ACSL3: variants seen among roughly 807,000 people sequenced by gnomAD.
ACSL3 encodes the protein fatty acid CoA ligase Acsl3.
ACSL3 carries 34 observed loss-of-function variants against 84.7 expected under a neutral mutation model. The ratio of observed to expected loss-of-function variants is 0.40; its 90% CI spans 0.31 to 0.53. ACSL3 has a LOEUF of 0.53. Ranked by LOEUF, ACSL3 falls within the 20% of genes least tolerant of loss-of-function variation. The pLI is 0.48. For synonymous variants in ACSL3, 315 were observed against 299.4 expected (o/e 1.05, Z -0.54); for missense variants, 680 against 873.1 (o/e 0.78, Z 2.79).
intron 2 of ACSL3, among the ~76,000 whole-genome samples, chr2:222,890,105 A>G (rs560177744): frequency 2.0e-5 from 3 of 152,358 alleles, no homozygotes; most frequent in South Asian, 4.1e-4. Flanking sequence ...ACAAATGAAG[A>G]CAATATGTTA....
intron 1 of ACSL3, among the ~76,000 whole-genome samples, chr2:222,874,180 AC>A (rs1695383286): frequency 6.6e-6 from 1 of 151,754 alleles, no homozygotes. Flanking sequence ...GCACCACCAC[AC>A]CCGGCTCATT....
intron 16 of ACSL3, among the ~76,000 whole-genome samples, chr2:222,938,143 CTTT>C (rs1331618050): frequency 6.6e-6 from 1 of 152,080 alleles, no homozygotes; most frequent in African/African-American, 2.4e-5. Context: ...TTCATAATTA[CTTT>C]TTATGTCTTT....
rs758298551 is a variant in ACSL3 at position 222,908,780 on chromosome 2, A to G, written c.8A>G (p.Asn3Ser). 8 of 1,590,190 alleles carry G rather than the reference A, an allele frequency of 5.0e-6. No homozygotes were observed. The East Asian group carries it at 1.1e-4, about 22-fold the overall frequency. The part of the protein sequence containing the change: MN[N>S]HVSSKPSTMK... ...TCTACTTTTTGAGTACTTATGAATA[A>G]CCACGTGTCTTCAAAACCATCTACC... The change falls in exon 4 of 17, where the codon AAC becomes AGC. Residue 3 changes from asparagine (N) to serine (S), a missense_variant. Physicochemically the swap from Asn to Ser is conservative, Grantham distance 46. Transcript: ENST00000357430.
intron 1 of ACSL3, among the ~76,000 whole-genome samples, chr2:222,870,828 G>A (rs774416130): frequency 3.9e-5 from 6 of 152,166 alleles, no homozygotes; most frequent in African/African-American, 9.7e-5. Context: ...CTTGGCAGAC[G>A]AGTTTGGAAT....
chr2:222,940,514 T>C (rs999804200), intron 16 of ACSL3, among the ~76,000 whole-genome samples: 5 of 151,784 alleles, frequency 3.3e-5, no homozygotes, highest in Admixed American at 3.3e-4. Context: ...TAGGCATTTA[T>C]GCAGCATATA....
Position 222,943,135 on chromosome 2 carries a change from A to G in ACSL3, c.*1481A>G, listed in dbSNP as rs1252470309. On this transcript the variant is annotated 3_prime_UTR_variant, in exon 17 of 17. Transcript: ENST00000357430. ...AAAAAAGATGAACCTAGGTCTGTGT[A>G]AAGTAAGGGGAGTGTTAGGAGCAGC... 9.0e-6 allele frequency: 2 copies of G among 223,240 alleles called. No homozygotes were observed. The highest frequency in any genetic ancestry group is 1.8e-5 in the Non-Finnish European group (2 of 112,150). 13.8% of individuals were successfully genotyped at this position (223,240 alleles called of 1,614,324 possible). A position where few individuals can be genotyped will look rare whatever the true frequency, so the allele number is the denominator to read the frequency against.
At chr2:222,881,107 C>T in intron 1 of ACSL3, among the ~76,000 whole-genome samples, 1 of 151,962 alleles carries the variant, frequency 6.6e-6, no homozygotes, top group East Asian at 1.9e-4. Context: ...TTTTACATTT[C>T]TAGTAGGCAA....
rs183578192 is a variant in ACSL3, at chr2:222,914,997, A to G, written c.379-1322A>G. On this transcript the variant is annotated intron_variant, in intron 4 of 16. Transcript: ENST00000357430. ...TCATTGCATGAGTTTACATATTTAGATTATATATCAAACACCTTTTCAGAA... is the reference window on the plus strand; with the variant it reads ...TCATTGCATGAGTTTACATATTTAGGTTATATATCAAACACCTTTTCAGAA... 2.7e-3 allele frequency among the ~76,000 whole-genome samples: 404 copies of G among 152,322 alleles called. 1 individual carries two copies. Among genetic ancestry groups the G allele is most frequent in the African/African-American group, 9.3e-3 (386 of 41,550 alleles).
intron 4 of ACSL3, among the ~76,000 whole-genome samples, chr2:222,915,101 A>G (rs1196331717): frequency 1.3e-5 from 2 of 152,198 alleles, no homozygotes; most frequent in African/African-American, 4.8e-5. Context: ...TAACCTTTAG[A>G]GTGTAAAATT....
rs200158558 is a variant in ACSL3, at chr2:222,922,796, A to G, written c.1045A>G (p.Ile349Val). ...ELVCLSHGCRIGYSSPQTLAD... is the reference protein window; with the variant it reads ...ELVCLSHGCRVGYSSPQTLAD... ...TGTCTGTCTTTCTCACGGATGCCGCATTGGTTACTCTTCACCACAGACTTT... is the reference window on the plus strand; with the variant it reads ...TGTCTGTCTTTCTCACGGATGCCGCGTTGGTTACTCTTCACCACAGACTTT... Residue 349 changes from isoleucine (I) to valine (V), a missense_variant, in exon 9 of 17, where the codon ATT (isoleucine) becomes GTT (valine). Transcript: ENST00000357430. 1.5e-5 allele frequency: 25 copies of G among 1,614,196 alleles called. No individual in the cohort carries two copies. The East Asian group carries it at 4.5e-4, about 29-fold the overall frequency.
chr2:222,902,320 CA>C (rs1294640240), intron 3 of ACSL3, among the ~76,000 whole-genome samples: 6 of 152,146 alleles, frequency 3.9e-5, no homozygotes, highest in African/African-American at 1.4e-4. Context: ...GAGAACTAGA[CA>C]GTGATTTCAT....
chr2:222,908,979 A>G lies in ACSL3; in HGVS notation c.207A>G (p.Arg69=). 29 of 1,613,776 alleles carry G rather than the reference A, an allele frequency of 1.8e-5. No individual in the cohort carries two copies. Among genetic ancestry groups the G allele is most frequent in the Non-Finnish European group, 2.5e-5 (29 of 1,179,862 alleles). ...ATTCAAAACCTGATTCTGCATACAGATCTGTTAATAGTTTGGATGGTTTGG... is the reference window on the plus strand; with the variant it reads ...ATTCAAAACCTGATTCTGCATACAGGTCTGTTAATAGTTTGGATGGTTTGG... The part of the protein sequence containing the change: ...PVNSKPDSAY[R]SVNSLDGLAS... Residue 69 remains arginine (R), a synonymous_variant, in exon 4 of 17, where the codon AGA becomes AGG. Transcript: ENST00000357430.
intron 15 of ACSL3, among the ~76,000 whole-genome samples, chr2:222,934,127 G>A (rs550810211): frequency 1.8e-4 from 27 of 152,238 alleles, no homozygotes; most frequent in East Asian, 5.8e-4. Flanking sequence ...ATTTTGATTC[G>A]TTGCTGAATT....
At chr2:222,891,024 C>G (rs1184591534) in intron 2 of ACSL3, among the ~76,000 whole-genome samples, 1 of 152,188 alleles carries the variant, frequency 6.6e-6, no homozygotes, top group East Asian at 1.9e-4. Flanking sequence ...TGTTCACTCT[C>G]CTTAGTACAG....
chr2:222,924,744 C>T lies in ACSL3; in HGVS notation c.1292+149C>T, dbSNP rs559374673. 327 of 925,030 alleles carry T rather than the reference C, an allele frequency of 3.5e-4. No homozygotes were observed. The highest frequency in any genetic ancestry group is 4.6e-4 in the Non-Finnish European group (307 of 664,430). 57.3% of individuals were successfully genotyped at this position (925,030 alleles called of 1,614,324 possible). ...CTCTTTAAAAAAAATCCATCCCAGG[C>T]CAGGCGCGGTGGCTCATGCCTGTAA... On this transcript the variant is annotated intron_variant, in intron 11 of 16. Transcript: ENST00000357430.
rs541191103 is a variant in ACSL3, at chr2:222,908,990, G to A, written c.218G>A (p.Ser73Asn). Residue 73 changes from serine to asparagine, a missense_variant, in exon 4 of 17, where the codon AGT becomes AAT. Around this residue, in one of 2 missense-constraint regions of ACSL3, gnomAD observed 333 missense variants for 347.5 expected, o/e 0.96. Transcript: ENST00000357430. ...GATTCTGCATACAGATCTGTTAATA[G>A]TTTGGATGGTTTGGCTTCAGTATTA... ...KPDSAYRSVN[S>N]LDGLASVLYP... The A allele has an allele frequency of 7.8e-5, 126 of 1,613,782 alleles. No individual in the cohort carries two copies. The South Asian group carries it at 1.3e-3, about 16-fold the overall frequency.
At chr2:222,900,994 A>G (rs1375893500) in intron 3 of ACSL3, among the ~76,000 whole-genome samples, 1 of 152,038 alleles carries the variant, frequency 6.6e-6, no homozygotes, top group African/African-American at 2.4e-5. Flanking sequence ...CAAAAGACAA[A>G]CTTTTTGGTG....
chr2:222,901,118 T>A (rs1418869549), intron 3 of ACSL3, among the ~76,000 whole-genome samples: 5 of 152,198 alleles, frequency 3.3e-5, no homozygotes, highest in Non-Finnish European at 7.3e-5. Flanking sequence ...TGCCATTTGA[T>A]CCAAGAAGAT....
At chr2:222,907,094 T>C (rs1452924827) in intron 3 of ACSL3, among the ~76,000 whole-genome samples, 2 of 152,194 alleles carry the variant, frequency 1.3e-5, no homozygotes, top group Admixed American at 1.3e-4. Flanking sequence ...GATTTTCTTA[T>C]AGTTATATCT....
Sources: gnomAD v4.1 joint callset for allele counts (sites outside exome capture counted in the v4.1 genomes callset) on GRCh38, gnomAD v4.1.1 for gene constraint, gnomAD v4.1.1 regional missense constraint, MANE v1.5 for transcripts, NCBI Gene and HGNC (gene_info 2026-07-23, HGNC 2026-07-21) for gene names.